Variants in RHBDD1 observed in about 807,000 individuals in gnomAD.
RHBDD1 encodes the protein rhomboid-related protein 4.
RHBDD1 carries 38 observed loss-of-function variants against 36.3 expected under a neutral mutation model. The ratio of observed to expected loss-of-function variants is 1.05; its 90% CI spans 0.81 to 1.37. The LOEUF is 1.37. Among genes scored for constraint, RHBDD1 ranks in the 40% most tolerant of loss-of-function variants. RHBDD1 has a pLI of 0.00. For missense variants in RHBDD1, 393 were observed against 377.6 expected, an observed-to-expected ratio of 1.04 and a Z score of -0.34; for synonymous variants, 151 against 136.5, an observed-to-expected ratio of 1.11 and a Z score of -0.74.
At chr2:226,936,321 C>G (rs534397566) in intron 8 of RHBDD1, among the ~76,000 whole-genome samples, 1 of 152,088 alleles carries the variant, frequency 6.6e-6, no homozygotes, top group East Asian at 1.9e-4. Context: ...GTACTTATAT[C>G]TTAGATTGTA....
chr2:226,916,054 C>T (rs1484665034), intron 8 of RHBDD1, among the ~76,000 whole-genome samples: 1 of 152,184 alleles, frequency 6.6e-6, no homozygotes. Flanking sequence ...AGCAGGCTAG[C>T]CTGGGCTTAT....
intron 8 of RHBDD1, among the ~76,000 whole-genome samples, chr2:226,945,450 G>A (rs1950922620): frequency 6.6e-6 from 1 of 151,922 alleles, no homozygotes; most frequent in African/African-American, 2.4e-5. Context: ...GAAAATGATG[G>A]TTTCCAGCTT....
chr2:226,871,297 G>A (rs1944778790), intron 5 of RHBDD1, among the ~76,000 whole-genome samples: 1 of 152,044 alleles, frequency 6.6e-6, no homozygotes, highest in South Asian at 2.1e-4. Context: ...CCATTTGACA[G>A]TAAGTTGTAA....
intron 8 of RHBDD1, among the ~76,000 whole-genome samples, chr2:226,933,273 A>G (rs1029388181): frequency 2.6e-5 from 4 of 152,126 alleles, no homozygotes; most frequent in African/African-American, 7.2e-5. Flanking sequence ...GCATTATTCC[A>G]TAGGCTATCT....
chr2:226,948,528 T>A (rs1174545172), intron 8 of RHBDD1, among the ~76,000 whole-genome samples: 2 of 127,730 alleles, frequency 1.6e-5, no homozygotes, highest in Non-Finnish European at 3.2e-5. Context: ...GTAACTAACC[T>A]GCACAATGTG....
chr2:226,981,505 A>G (rs937615029), intron 8 of RHBDD1, among the ~76,000 whole-genome samples: 3 of 151,862 alleles, frequency 2.0e-5, no homozygotes, highest in African/African-American at 7.3e-5. Flanking sequence ...AGCACACACA[A>G]GCACACACTC....
chr2:226,864,840 G>T lies in RHBDD1; in HGVS notation c.147G>T (p.Leu49=). ...IWFFLNPQKP[L]YSSCLSVEKC... Reference sequence around the variant, plus strand: ...TCTTCTTGAACCCTCAGAAGCCACTGTATAGCTCCTGCCTTAGTGTGGAGA... The same window carrying T: ...TCTTCTTGAACCCTCAGAAGCCACTTTATAGCTCCTGCCTTAGTGTGGAGA... Residue 49 remains leucine, a synonymous_variant, in exon 4 of 9, where the codon CTG becomes CTT. Coordinates refer to ENST00000392062, the MANE Select transcript of RHBDD1 (RefSeq NM_001167608.3). 1 of 1,614,216 alleles carries T rather than the reference G, an allele frequency of 6.2e-7. No homozygotes were observed.
intron 8 of RHBDD1, among the ~76,000 whole-genome samples, chr2:226,949,635 A>G (rs1301169128): frequency 1.2e-4 from 19 of 152,224 alleles, no homozygotes; most frequent in Admixed American, 1.2e-3. Flanking sequence ...ATTAATAATT[A>G]TATTAGTTTG....
At chr2:226,820,359 C>T in the RHBDD1 span, among the ~76,000 whole-genome samples, 1 of 151,934 alleles carries the variant, frequency 6.6e-6, no homozygotes, top group Admixed American at 6.5e-5. Flanking sequence ...GCTTTATTCA[C>T]CCAACAAAAG....
intron 8 of RHBDD1, among the ~76,000 whole-genome samples, chr2:226,974,708 C>A (rs531273675): frequency 2.7e-4 from 41 of 152,158 alleles, no homozygotes; most frequent in Non-Finnish European, 4.9e-4. Flanking sequence ...TTCCAGGCAC[C>A]AGGATCCTCT....
At chr2:226,807,089 T>A in the RHBDD1 span, among the ~76,000 whole-genome samples, 1 of 152,338 alleles carries the variant, frequency 6.6e-6, no homozygotes, top group South Asian at 2.1e-4. Flanking sequence ...ACAGTGGAAA[T>A]CTGAAGACAG....
chr2:226,988,723 T>C lies in RHBDD1; in HGVS notation c.857-6708T>C, dbSNP rs191024259. 637 of 930,232 alleles carry C rather than the reference T, an allele frequency of 6.8e-4. 3 individuals are homozygous for C. The Middle Eastern group carries it at 0.013, about 19-fold the overall frequency. 57.6% of individuals were successfully genotyped at this position (930,232 alleles called of 1,614,324 possible). ...TTTACAGACCTCATATACATAGATA[T>C]AGATATATTAAGAGATAGAACGAGC... On this transcript the variant is annotated intron_variant, in intron 8 of 8. Transcript: ENST00000392062.
chr2:226,908,582 T>TACACACACAC (rs10559846), intron 6 of RHBDD1: 164 of 346,906 alleles, frequency 4.7e-4, no homozygotes, highest in African/African-American at 2.7e-3. Flanking sequence ...CATTTTCCAC[T>TACACACACAC]ACACACACAC....
intron 3 of RHBDD1, among the ~76,000 whole-genome samples, chr2:226,850,318 G>A (rs1173232619): frequency 6.6e-6 from 1 of 152,182 alleles, no homozygotes; most frequent in East Asian, 1.9e-4. Context: ...TCGTAGGAGA[G>A]TAATAGAAAA....
chr2:226,840,162 G>T (rs1282393003), intron 3 of RHBDD1, among the ~76,000 whole-genome samples: 1 of 152,142 alleles, frequency 6.6e-6, no homozygotes, highest in Admixed American at 6.5e-5. Flanking sequence ...GCTTGGGGGA[G>T]GGGGAGTTAC....
chr2:226,803,878 C>A, the RHBDD1 span, among the ~76,000 whole-genome samples: 6 of 152,192 alleles, frequency 3.9e-5, no homozygotes, highest in Admixed American at 1.3e-4. Context: ...ACCCGAGGAT[C>A]TTGTTATAAT....
intron 3 of RHBDD1, among the ~76,000 whole-genome samples, chr2:226,846,742 C>A: frequency 1.7e-5 from 2 of 118,260 alleles, no homozygotes. Context: ...ATTGAAATGC[C>A]ATCTCAAAAA....
intron 5 of RHBDD1, among the ~76,000 whole-genome samples, chr2:226,869,953 A>G (rs139369567): frequency 6.6e-6 from 1 of 152,220 alleles, no homozygotes; most frequent in Non-Finnish European, 1.5e-5. Context: ...GATTCTGTTG[A>G]TGGGAGGAAG....
intron 2 of RHBDD1, 116 bp from the exon 3 acceptor site, chr2:226,839,293 G>A (rs1941353609): frequency 1.3e-5 from 2 of 152,052 alleles, no homozygotes; most frequent in South Asian, 2.1e-4. Context: ...ACATGTATAT[G>A]TAAATGTTCT....
Sources: gnomAD v4.1 joint callset for allele counts (sites outside exome capture counted in the v4.1 genomes callset) on GRCh38, gnomAD v4.1.1 for gene constraint, MANE v1.5 for transcripts, NCBI Gene and HGNC (gene_info 2026-07-23, HGNC 2026-07-21) for gene names.